Variants in EXOC4 observed in about 807,000 individuals in gnomAD.
EXOC4 encodes SEC8-like 1.
Under a neutral mutation model 107.2 loss-of-function variants are expected in EXOC4, and 71 were observed. That is an observed-to-expected ratio of 0.66 (90% confidence interval 0.55 to 0.81). EXOC4 has a LOEUF of 0.81. Among genes scored for constraint, EXOC4 ranks in the 30% least tolerant of loss-of-function variants. The probability of loss-of-function intolerance (pLI) is 0.00; values close to 1 mark genes in which losing one functional copy is unlikely to be tolerated. For synonymous variants in EXOC4, 456 were observed against 441.2 expected, an observed-to-expected ratio of 1.03 and a Z score of -0.42; for missense variants, 1,108 against 1,189.6, an observed-to-expected ratio of 0.93 and a Z score of 1.01.
At chr7:133,923,129 T>C (rs1168993527) in intron 13 of EXOC4, among the ~76,000 whole-genome samples, 1 of 62,308 alleles carries the variant, frequency 1.6e-5, no homozygotes, top group Admixed American at 1.3e-4. Flanking sequence ...GAGTTTACAC[T>C]TTTTTTTTTT....
At chr7:133,765,113 G>A (rs920233419) in intron 10 of EXOC4, among the ~76,000 whole-genome samples, 3 of 151,958 alleles carry the variant, frequency 2.0e-5, no homozygotes, top group Admixed American at 6.6e-5. Flanking sequence ...GGCTGTTGCT[G>A]CTATCTTTAT....
chr7:134,002,102 G>A (rs575483854), intron 15 of EXOC4, among the ~76,000 whole-genome samples: 2 of 152,268 alleles, frequency 1.3e-5, no homozygotes, highest in South Asian at 4.1e-4. Flanking sequence ...TCCAGAGGAG[G>A]CTACAACCAG....
chr7:133,838,338 G>A (rs1376331427), intron 11 of EXOC4, among the ~76,000 whole-genome samples: 1 of 152,056 alleles, frequency 6.6e-6, no homozygotes, highest in Admixed American at 6.6e-5. Context: ...TAGTCTCTAG[G>A]GGTATAAATT....
chr7:133,974,647 T>C (rs920482844), intron 14 of EXOC4, among the ~76,000 whole-genome samples: 1 of 152,160 alleles, frequency 6.6e-6, no homozygotes, highest in African/African-American at 2.4e-5. Context: ...ATTCGGGAGA[T>C]AGAGTGAAAC....
chr7:133,800,009 TTTCATCCA>T (rs1796900418), intron 10 of EXOC4, among the ~76,000 whole-genome samples: 1 of 150,538 alleles, frequency 6.6e-6, no homozygotes, highest in Non-Finnish European at 1.5e-5. Context: ...TCATCCATCC[TTTCATCCA>T]TCCATCCATC....
At chr7:133,847,467 C>G (rs1464762077) in intron 11 of EXOC4, among the ~76,000 whole-genome samples, 2 of 151,256 alleles carry the variant, frequency 1.3e-5, no homozygotes, top group South Asian at 4.2e-4. Context: ...CAACTTCCAC[C>G]TCCTGGGTTC....
intron 10 of EXOC4, among the ~76,000 whole-genome samples, chr7:133,766,035 A>C (rs1156473717): frequency 2.6e-5 from 4 of 152,020 alleles, no homozygotes; most frequent in Non-Finnish European, 5.9e-5. Context: ...AAAGAATCAA[A>C]ATCAACTGAA....
chr7:133,912,433 A>C (rs958404), intron 12 of EXOC4, among the ~76,000 whole-genome samples: 71,144 of 152,042 alleles, frequency 0.47, 17,980 homozygotes, highest in African/African-American at 0.66. Context: ...ACCTGTATTC[A>C]TTACCTGATT....
chr7:133,271,892 G>GAAT (rs1180171268), intron 1 of EXOC4, among the ~76,000 whole-genome samples: 1 of 152,004 alleles, frequency 6.6e-6, no homozygotes, highest in Non-Finnish European at 1.5e-5. Context: ...CATTAAGGAG[G>GAAT]AATAAGGTGA....
intron 5 of EXOC4, among the ~76,000 whole-genome samples, chr7:133,350,119 TG>T (rs1182887218): frequency 6.6e-6 from 1 of 152,082 alleles, no homozygotes; most frequent in African/African-American, 2.4e-5. Context: ...CCTATTCTGT[TG>T]GTTGCCTTTT....
chr7:133,311,504 A>T (rs2150574576), intron 4 of EXOC4, among the ~76,000 whole-genome samples: 1 of 152,262 alleles, frequency 6.6e-6, no homozygotes, highest in East Asian at 1.9e-4. Flanking sequence ...GAAGAAAATA[A>T]ATTTAGGTGT....
chr7:133,296,014 T>C (rs956848176), intron 3 of EXOC4, among the ~76,000 whole-genome samples: 2 of 152,164 alleles, frequency 1.3e-5, no homozygotes, highest in Non-Finnish European at 2.9e-5. Context: ...GATAAAAATA[T>C]ATCAGTGATC....
chr7:133,464,425 C>G (rs1317587953), intron 7 of EXOC4, among the ~76,000 whole-genome samples: 1 of 152,148 alleles, frequency 6.6e-6, no homozygotes. Context: ...AGTTCTAAGG[C>G]AGGCACATGA....
chr7:133,566,096 A>G (rs1215710332), intron 9 of EXOC4, among the ~76,000 whole-genome samples: 1 of 152,202 alleles, frequency 6.6e-6, no homozygotes, highest in Non-Finnish European at 1.5e-5. Flanking sequence ...AACTAAGTGT[A>G]TTGGCCTATA....
intron 5 of EXOC4, 77 bp downstream of exon 5, chr7:133,317,467 G>C (rs1055045630): frequency 1.9e-6 from 2 of 1,046,472 alleles, no homozygotes; most frequent in Non-Finnish European, 2.9e-6. Flanking sequence ...GGAGCTTTTT[G>C]GGGGCTGAGC....
chr7:133,477,858 C>T (rs751949440), intron 8 of EXOC4, among the ~76,000 whole-genome samples: 8 of 152,126 alleles, frequency 5.3e-5, no homozygotes, highest in Non-Finnish European at 7.3e-5. Context: ...AGGATTGGGT[C>T]GTAAGCCCAT....
intron 12 of EXOC4, among the ~76,000 whole-genome samples, chr7:133,910,389 G>T (rs1799666560): frequency 6.6e-6 from 1 of 152,174 alleles, no homozygotes; most frequent in Admixed American, 6.5e-5. Flanking sequence ...AACTGTCATT[G>T]CAAAGCCTTT....
intron 9 of EXOC4, among the ~76,000 whole-genome samples, chr7:133,594,374 C>T (rs1801615034): frequency 6.6e-6 from 1 of 152,004 alleles, no homozygotes; most frequent in Admixed American, 6.6e-5. Context: ...CTACCATGTG[C>T]TAAACAGTGC....
intron 10 of EXOC4, among the ~76,000 whole-genome samples, chr7:133,710,264 C>G (rs1301551457): frequency 1.3e-5 from 2 of 152,132 alleles, no homozygotes; most frequent in African/African-American, 4.8e-5. Context: ...AGTCTTCCCT[C>G]TTGCTCAAAG....
Sources: allele counts gnomAD v4.1 joint callset (sites outside exome capture counted in the v4.1 genomes callset), GRCh38; gene constraint gnomAD v4.1.1; transcripts MANE v1.5; gene names NCBI Gene and HGNC (gene_info 2026-07-23, HGNC 2026-07-21).